The following MEGF9 variants were observed in gnomAD, a reference collection of about 807,000 sequenced individuals.
MEGF9 encodes multiple epidermal growth factor-like domains protein 9.
MEGF9 carries 6 observed loss-of-function variants against 46.8 expected under a neutral mutation model. That is an observed-to-expected ratio of 0.13 (90% CI 0.07 to 0.25). The LOEUF is 0.25. Ranked by LOEUF, MEGF9 falls within the 10% of genes least tolerant of loss-of-function variation. The probability of loss-of-function intolerance (pLI) is 1.00; values close to 1 mark genes in which losing one functional copy is unlikely to be tolerated. For missense variants in MEGF9, 683 were observed against 792.4 expected (o/e 0.86, Z 1.66); for synonymous variants, 302 against 330.7 (o/e 0.91, Z 0.94).
In MEGF9 at chr9:120,624,545, GA is replaced by G. The variant is rs956185608; in HGVS notation, c.804-1791del. On this transcript the variant is annotated intron_variant, in intron 2 of 5. Transcript: ENST00000373930. ...GCATGGCCAGATTTTAAAACAACAA[GA>G]AAAAAAAAGGTGCTTTTCTCTCTTT... 2.9e-3 allele frequency among the ~76,000 whole-genome samples: 431 copies of G among 150,600 alleles called. 4 individuals are homozygous for G. The highest frequency in any genetic ancestry group is 1.0e-2 in the African/African-American group (411 of 41,124).
intron 2 of MEGF9, among the ~76,000 whole-genome samples, chr9:120,633,362 G>A (rs2043558814): frequency 6.6e-6 from 1 of 152,016 alleles, no homozygotes; most frequent in Non-Finnish European, 1.5e-5. Flanking sequence ...ATTTTCACTA[G>A]GTTTTCAGAT....
intron 2 of MEGF9, among the ~76,000 whole-genome samples, chr9:120,652,940 C>T (rs1348067377): frequency 6.6e-6 from 1 of 152,172 alleles, no homozygotes; most frequent in East Asian, 1.9e-4. Context: ...CAATGAGGTT[C>T]AGAGAGGTCA....
At chr9:120,695,625 A>AAAAAAAAAAAG (rs2043873035) in intron 1 of MEGF9, among the ~76,000 whole-genome samples, 1 of 151,010 alleles carries the variant, frequency 6.6e-6, no homozygotes, top group African/African-American at 2.4e-5. Flanking sequence ...AAAAAAAAAA[A>AAAAAAAAAAAG]AAAAGCAAAT....
intron 1 of MEGF9, among the ~76,000 whole-genome samples, chr9:120,675,074 A>G (rs1321058197): frequency 1.3e-5 from 2 of 152,030 alleles, no homozygotes; most frequent in Admixed American, 6.6e-5. Context: ...TATACCTACC[A>G]TATGACCCAA....
Position 120,695,710 on chromosome 9 carries a change from A to T in MEGF9, c.601+18048T>A, listed in dbSNP as rs761778367. Among the ~76,000 whole-genome samples the T allele has an allele frequency of 6.6e-5, 10 of 151,822 alleles. No individual in the cohort carries two copies. The East Asian group carries it at 9.7e-4, about 15-fold the overall frequency. ...GTTTTTAAAGGACAAATAAGTTTGC[A>T]GGTAGCCAAAGAAAGGGTGTGGGTA... On this transcript the variant is annotated intron_variant, in intron 1 of 5. Transcript: ENST00000373930.
intron 2 of MEGF9, among the ~76,000 whole-genome samples, chr9:120,658,428 C>T (rs1400359080): frequency 6.6e-6 from 1 of 152,214 alleles, no homozygotes; most frequent in African/African-American, 2.4e-5. Context: ...AACATGTTCT[C>T]TCATTTCAGT....
At chr9:120,608,906 C>G (rs2043432299) in intron 4 of MEGF9, among the ~76,000 whole-genome samples, 1 of 152,270 alleles carries the variant, frequency 6.6e-6, no homozygotes, top group Admixed American at 6.5e-5. Flanking sequence ...TGTCTCTTTC[C>G]ATTCCCACTG....
At chr9:120,660,249 T>C (rs2043696235) in intron 1 of MEGF9, among the ~76,000 whole-genome samples, 1 of 152,188 alleles carries the variant, frequency 6.6e-6, no homozygotes, top group Non-Finnish European at 1.5e-5. Flanking sequence ...AGAAATACTT[T>C]AATTTTTAAT....
intron 1 of MEGF9, among the ~76,000 whole-genome samples, chr9:120,670,591 T>C (rs1042108821): frequency 1.3e-5 from 2 of 152,208 alleles, no homozygotes; most frequent in East Asian, 3.8e-4. Flanking sequence ...CAAGCTTCTC[T>C]TTAAGTCTTC....
chr9:120,629,932 C>CAAA (rs1177937335), intron 2 of MEGF9, among the ~76,000 whole-genome samples: 1 of 102,288 alleles, frequency 9.8e-6, no homozygotes, highest in Non-Finnish European at 2.1e-5. Flanking sequence ...GACTCCGTCT[C>CAAA]AAAAAAAAAA....
At chr9:120,707,870 C>T (rs1002423087) in intron 1 of MEGF9, among the ~76,000 whole-genome samples, 1 of 152,070 alleles carries the variant, frequency 6.6e-6, no homozygotes, top group Non-Finnish European at 1.5e-5. Context: ...TGGTGAAACC[C>T]CATCTCTACT....
intron 1 of MEGF9, among the ~76,000 whole-genome samples, chr9:120,689,107 G>C (rs183414177): frequency 6.6e-6 from 1 of 152,332 alleles, no homozygotes; most frequent in East Asian, 1.9e-4. Flanking sequence ...GCAATATCGT[G>C]TGATAAGTAT....
chr9:120,629,410 A>C (rs988283593), intron 2 of MEGF9, among the ~76,000 whole-genome samples: 2 of 152,066 alleles, frequency 1.3e-5, no homozygotes, highest in Non-Finnish European at 2.9e-5. Context: ...CAGGCCAAGG[A>C]AGGCAGATCA....
At chr9:120,653,369 A>T (rs866591829) in intron 2 of MEGF9, among the ~76,000 whole-genome samples, 48 of 150,122 alleles carry the variant, frequency 3.2e-4, no homozygotes, top group Middle Eastern at 3.4e-3. Context: ...TATTTTATTT[A>T]TTTTATTTAT....
intron 3 of MEGF9, among the ~76,000 whole-genome samples, chr9:120,618,220 GAC>G (rs918799878): frequency 9.2e-5 from 14 of 152,330 alleles, no homozygotes; most frequent in African/African-American, 3.1e-4. Context: ...AAATGGCAAA[GAC>G]AAACTTGACA....
chr9:120,606,986 G>A (rs2043422755), intron 5 of MEGF9, among the ~76,000 whole-genome samples: 1 of 152,110 alleles, frequency 6.6e-6, no homozygotes, highest in Non-Finnish European at 1.5e-5. Context: ...GCTAGTAATA[G>A]GGTTCAATCT....
chr9:120,656,123 C>CA (rs1414788128), intron 2 of MEGF9, among the ~76,000 whole-genome samples: 1 of 152,178 alleles, frequency 6.6e-6, no homozygotes, highest in African/African-American at 2.4e-5. Context: ...TTACATATTA[C>CA]ATTTGTTCAA....
At chr9:120,622,880 C>T in intron 2 of MEGF9, 125 bp from the exon 3 acceptor site, 1 of 892,698 alleles carries the variant, frequency 1.1e-6, no homozygotes, top group Non-Finnish European at 1.6e-6. Flanking sequence ...ATCTCAAAGC[C>T]TTGTGTCCAA....
intron 1 of MEGF9, among the ~76,000 whole-genome samples, chr9:120,671,915 G>A (rs952667451): frequency 3.3e-5 from 5 of 152,152 alleles, no homozygotes; most frequent in Non-Finnish European, 7.4e-5. Context: ...TATATAAAAA[G>A]ATTAAGTGGG....
Sources: allele counts gnomAD v4.1 joint callset (sites outside exome capture counted in the v4.1 genomes callset), GRCh38; gene constraint gnomAD v4.1.1; transcripts MANE v1.5; gene names NCBI Gene and HGNC (gene_info 2026-07-23, HGNC 2026-07-21).